The following SYT2 variants were observed in gnomAD, a reference collection of about 807,000 sequenced individuals.
SYT2 encodes synaptotagmin-2.
A neutral mutation model predicts 39.9 loss-of-function variants in SYT2; 15 were observed. The observed-to-expected ratio is 0.38, with a 90% confidence interval of 0.25 to 0.58. The LOEUF is 0.58. Ranked by LOEUF, SYT2 falls within the 20% of genes least tolerant of loss-of-function variation. The probability of loss-of-function intolerance (pLI) is 0.70; values close to 1 mark genes in which losing one functional copy is unlikely to be tolerated. For missense variants in SYT2, 389 were observed against 530.3 expected (o/e 0.73, Z 2.62); for synonymous variants, 181 against 204.5 (o/e 0.89, Z 0.98).
intron 1 of SYT2, among the ~76,000 whole-genome samples, chr1:202,698,760 C>G (rs1370064161): frequency 2.0e-5 from 3 of 152,156 alleles, no homozygotes; most frequent in Admixed American, 1.3e-4. Flanking sequence ...TGGCTAGACA[C>G]AAGAAAGAAC....
chr1:202,602,983 C>T lies in SYT2; in HGVS notation c.465+16G>A, dbSNP rs200832292. On this transcript the variant is annotated intron_variant, in intron 4 of 8. Coordinates refer to ENST00000367268, the MANE Select transcript of SYT2 (RefSeq NM_177402.5). Reference sequence around the variant, plus strand: ...CTCCCCATTCCCCCACTCTGCCCCCCCACAGCCCTGCATACCTGATTAGCC... The same window carrying T: ...CTCCCCATTCCCCCACTCTGCCCCCTCACAGCCCTGCATACCTGATTAGCC... 15 of 1,574,050 alleles carry T rather than the reference C, an allele frequency of 9.5e-6. No individual in the cohort carries two copies. The highest frequency in any genetic ancestry group is 1.3e-5 in the Non-Finnish European group (15 of 1,159,064).
intron 1 of SYT2, among the ~76,000 whole-genome samples, chr1:202,653,995 G>A: frequency 1.3e-5 from 2 of 152,218 alleles, no homozygotes; most frequent in East Asian, 3.8e-4. Context: ...AAGGTGGCCA[G>A]TGGGGCTTCA....
intron 1 of SYT2, among the ~76,000 whole-genome samples, chr1:202,697,093 G>A (rs1394466077): frequency 6.6e-6 from 1 of 152,238 alleles, no homozygotes; most frequent in Non-Finnish European, 1.5e-5. Context: ...CCGCAGCTGA[G>A]CAAGCTTCAC....
rs1690512004 is a variant in SYT2 at position 202,601,779 on chromosome 1, T to C, written c.801+111A>G. ...GCCAGGCAGTGTGGAGCTGGGATCC[T>C]AACACAGGTCGTCTGCCTCCAAAGC... On this transcript the variant is annotated intron_variant, in intron 6 of 8. Coordinates refer to ENST00000367268, the MANE Select transcript of SYT2 (RefSeq NM_177402.5). The surrounding 1 kb of genome is among the most constrained non-coding windows in gnomAD (Gnocchi z 4.0). The C allele has an allele frequency of 8.4e-7, 1 of 1,193,256 alleles. No individual in the cohort carries two copies. The highest frequency in any genetic ancestry group is 1.5e-5 in the African/African-American group (1 of 65,706). The allele number at this position is 1,193,256 out of a possible 1,614,324, so 73.9% of individuals were successfully genotyped here. A position where few individuals can be genotyped will look rare whatever the true frequency, so the allele number is the denominator to read the frequency against.
At chr1:202,646,477 G>A (rs1479403562) in intron 1 of SYT2, among the ~76,000 whole-genome samples, 1 of 152,128 alleles carries the variant, frequency 6.6e-6, no homozygotes, top group Non-Finnish European at 1.5e-5. Context: ...AGCTCCAGGA[G>A]GGCAAGGACC....
chr1:202,630,073 G>A (rs1386250975), intron 1 of SYT2, among the ~76,000 whole-genome samples: 4 of 152,128 alleles, frequency 2.6e-5, no homozygotes, highest in African/African-American at 7.2e-5. Flanking sequence ...GGAAAGCTCC[G>A]AAGAACAGAA....
intron 1 of SYT2, among the ~76,000 whole-genome samples, chr1:202,683,596 C>T (rs1051776085): frequency 6.6e-6 from 1 of 152,004 alleles, no homozygotes; most frequent in Non-Finnish European, 1.5e-5. Flanking sequence ...TTAAAAATAG[C>T]TGAACGTGGT....
Position 202,683,421 on chromosome 1 carries a change from A to G in SYT2, c.-18+26837T>C, listed in dbSNP as rs187602337. ...ACAGGGTGCATTTCACAAACATCAC[A>G]CAGGGGAAGAAGCCAGTCACAAAAG... On this transcript the variant is annotated intron_variant, in intron 1 of 8. Coordinates refer to ENST00000367268, the MANE Select transcript of SYT2 (RefSeq NM_177402.5). Among the ~76,000 whole-genome samples, 66 of 152,320 alleles carry G rather than the reference A, an allele frequency of 4.3e-4. No individual in the cohort carries two copies. In the South Asian group the frequency reaches 0.013, roughly 31 times the overall value.
In SYT2 at chr1:202,613,068, C is replaced by CT. The variant is rs146069389; in HGVS notation, c.-17-7280dup. 5.4e-3 allele frequency among the ~76,000 whole-genome samples: 405 copies of CT among 75,110 alleles called. 13 individuals carry two copies. Among genetic ancestry groups the CT allele is most frequent in the African/African-American group, 0.023 (390 of 17,000 alleles). 49.3% of individuals were successfully genotyped at this position (75,110 alleles called of 152,430 possible). ...ACATTGCCGAACTCATTGGTTCTTC[C>CT]TTTTTTTTTTTTTTTTTTTTTTTTT... On this transcript the variant is annotated intron_variant, in intron 1 of 8. Transcript: ENST00000367268.
At chr1:202,639,071 CCTG>C (rs1691828823) in intron 1 of SYT2, among the ~76,000 whole-genome samples, 1 of 152,216 alleles carries the variant, frequency 6.6e-6, no homozygotes, top group Non-Finnish European at 1.5e-5. Context: ...GTTTGGCTAT[CCTG>C]CTGCCCTGTC....
intron 1 of SYT2, among the ~76,000 whole-genome samples, chr1:202,708,872 ACTTAGT>A (rs1295100857): frequency 3.9e-5 from 6 of 152,286 alleles, no homozygotes; most frequent in Admixed American, 2.0e-4. Context: ...CCAAAGCTGG[ACTTAGT>A]CTTAAGTAGG....
chr1:202,704,271 G>T (rs1019248919), intron 1 of SYT2, among the ~76,000 whole-genome samples: 5 of 152,344 alleles, frequency 3.3e-5, no homozygotes, highest in Admixed American at 2.6e-4. Flanking sequence ...CACTTTGGGG[G>T]CTAGGGGGAC....
intron 1 of SYT2, among the ~76,000 whole-genome samples, chr1:202,694,770 C>A (rs189814577): frequency 1.3e-5 from 2 of 151,802 alleles, no homozygotes; most frequent in Admixed American, 1.3e-4. Flanking sequence ...TTATTCCTCC[C>A]TCTACCCCTC....
chr1:202,631,240 G>A (rs2149090850), intron 1 of SYT2, among the ~76,000 whole-genome samples: 1 of 152,276 alleles, frequency 6.6e-6, no homozygotes, highest in Non-Finnish European at 1.5e-5. Context: ...TGGAACCGCA[G>A]GGAGTTCCAG....
chr1:202,616,082 C>T (rs12740676), intron 1 of SYT2, among the ~76,000 whole-genome samples: 2,782 of 152,276 alleles, frequency 0.018, 45 homozygotes, highest in Non-Finnish European at 0.03. Context: ...CTGCACTGCA[C>T]AGAAACTGCA....
chr1:202,644,146 G>A (rs953009136), intron 1 of SYT2, among the ~76,000 whole-genome samples: 1 of 152,160 alleles, frequency 6.6e-6, no homozygotes, highest in African/African-American at 2.4e-5. Flanking sequence ...TGTCCTGGAG[G>A]GTGAGGTAAA....
At chr1:202,689,314 C>T (rs1653760735) in intron 1 of SYT2, among the ~76,000 whole-genome samples, 1 of 152,194 alleles carries the variant, frequency 6.6e-6, no homozygotes, top group African/African-American at 2.4e-5. Context: ...CGTGTGCATA[C>T]ACACACAGAT....
chr1:202,685,500 T>C (rs1224746588), intron 1 of SYT2, among the ~76,000 whole-genome samples: 2 of 152,210 alleles, frequency 1.3e-5, no homozygotes, highest in African/African-American at 2.4e-5. Context: ...TCAGATCTCC[T>C]GGTCTCTCTT....
chr1:202,694,815 G>A lies in SYT2; in HGVS notation c.-18+15443C>T, dbSNP rs111721991. 2.3e-3 allele frequency among the ~76,000 whole-genome samples: 338 copies of A among 148,900 alleles called. 2 individuals are homozygous for A. Among genetic ancestry groups the A allele is most frequent in the African/African-American group, 8.0e-3 (322 of 40,166 alleles). ...TCCTCCTCCTCCTTCTCTCCCCTCC[G>A]ACACTTTAATATATTTATATAAGTT... On this transcript the variant is annotated intron_variant, in intron 1 of 8. Coordinates refer to ENST00000367268, the MANE Select transcript of SYT2 (RefSeq NM_177402.5).
Sources: allele counts gnomAD v4.1 joint callset (sites outside exome capture counted in the v4.1 genomes callset), GRCh38; gene constraint gnomAD v4.1.1; non-coding constraint Gnocchi (gnomAD v3.1); transcripts MANE v1.5; gene names NCBI Gene and HGNC (gene_info 2026-07-23, HGNC 2026-07-21).